The following BNC2 variants were observed in gnomAD, a reference collection of about 807,000 sequenced individuals.
The protein encoded by BNC2 is basonuclin zinc finger protein 2.
In BNC2, 20 loss-of-function variants were observed where a neutral mutation model predicts 76.3. The ratio of observed to expected loss-of-function variants is 0.26; its 90% CI spans 0.18 to 0.38. The LOEUF is 0.38. BNC2 is among the 10% of genes least tolerant of loss of function. BNC2 has a pLI of 1.00. For missense variants in BNC2, 1,382 were observed against 1,399.8 expected, an observed-to-expected ratio of 0.99 and a Z score of 0.20; for synonymous variants, 582 against 514.8, an observed-to-expected ratio of 1.13 and a Z score of -1.77.
At chr9:16,524,460 C>G (rs562722015) in intron 5 of BNC2, among the ~76,000 whole-genome samples, 3 of 152,088 alleles carry the variant, frequency 2.0e-5, no homozygotes, top group African/African-American at 7.2e-5. Flanking sequence ...AGGAAAGGGC[C>G]CAAATCTCCT....
chr9:16,559,919 T>TA lies in BNC2; in HGVS notation c.434-7155dup, dbSNP rs1352170828. 6.6e-5 allele frequency among the ~76,000 whole-genome samples: 10 copies of TA among 152,206 alleles called. No individual in the cohort carries two copies. In the East Asian group the frequency reaches 7.7e-4, roughly 12 times the overall value. ...ACAGATGTAGGCAATATAAATGCCA[T>TA]AAAAAAGATTTGACAAAGTACTGTG... is the stretch of plus-strand genomic sequence containing the variant. On this transcript the variant is annotated intron_variant, in intron 4 of 6. Transcript: ENST00000380672.
intron 3 of BNC2, among the ~76,000 whole-genome samples, chr9:16,607,348 T>C (rs1820415159): frequency 6.6e-6 from 1 of 151,592 alleles, no homozygotes; most frequent in African/African-American, 2.4e-5. Context: ...TTAGGGAATG[T>C]AGAAAAAAAG....
intron 6 of BNC2, among the ~76,000 whole-genome samples, chr9:16,421,726 T>A (rs1379001075): frequency 2.0e-5 from 3 of 152,238 alleles, no homozygotes; most frequent in African/African-American, 7.2e-5. Context: ...AGGAAATGCC[T>A]ACTGTGAGGT....
intron 3 of BNC2, among the ~76,000 whole-genome samples, chr9:16,619,291 A>C (rs943292757): frequency 3.3e-5 from 5 of 152,088 alleles, no homozygotes; most frequent in Admixed American, 6.5e-5. Context: ...TTCAAACCCA[A>C]CATAATGCTT....
intron 1 of BNC2, among the ~76,000 whole-genome samples, chr9:16,755,943 A>G (rs1825372436): frequency 6.6e-6 from 1 of 152,206 alleles, no homozygotes; most frequent in African/African-American, 2.4e-5. Flanking sequence ...CTCTCTAAGG[A>G]TTAAGTTCAG....
At chr9:16,765,540 G>C (rs1045716782) in intron 1 of BNC2, among the ~76,000 whole-genome samples, 2 of 152,114 alleles carry the variant, frequency 1.3e-5, no homozygotes, top group African/African-American at 4.8e-5. Context: ...TTTGACTTTA[G>C]AAAAGCTGAA....
chr9:16,540,631 A>T (rs989751910), intron 5 of BNC2, among the ~76,000 whole-genome samples: 1 of 152,220 alleles, frequency 6.6e-6, no homozygotes, highest in African/African-American at 2.4e-5. Context: ...GGCCTTGCTT[A>T]ATTAAAATGT....
In BNC2 at chr9:16,806,228, C is replaced by A. The variant is rs1817906583; in HGVS notation, c.3+64418G>T. On this transcript the variant is annotated intron_variant, in intron 1 of 6. Coordinates refer to ENST00000380672, the MANE Select transcript of BNC2 (RefSeq NM_017637.6). ...CAGTAGCTCATGCCTATAATCCCAG[C>A]GTTCTGGGAGGCAAAAGCAGGAGGA... 2.6e-5 allele frequency among the ~76,000 whole-genome samples: 4 copies of A among 152,102 alleles called. No homozygotes were observed. In the South Asian group the frequency reaches 6.2e-4, roughly 24 times the overall value.
At chr9:16,769,441 AG>A (rs1292165493) in intron 1 of BNC2, among the ~76,000 whole-genome samples, 6 of 152,194 alleles carry the variant, frequency 3.9e-5, no homozygotes, top group Non-Finnish European at 7.3e-5. Flanking sequence ...GTCAGTGAAA[AG>A]ACTAACAGTG....
intron 4 of BNC2, among the ~76,000 whole-genome samples, chr9:16,559,166 C>CATCATT (rs1818933546): frequency 6.6e-6 from 1 of 152,146 alleles, no homozygotes; most frequent in African/African-American, 2.4e-5. Context: ...TAAGTATCAA[C>CATCATT]TATATATCAG....
intron 3 of BNC2, among the ~76,000 whole-genome samples, chr9:16,669,526 T>C (rs1286814013): frequency 2.6e-5 from 4 of 152,204 alleles, no homozygotes; most frequent in Non-Finnish European, 5.9e-5. Context: ...CAACTTCCAA[T>C]TGGTTGAGGA....
chr9:16,438,444 T>C (rs1821063204), intron 5 of BNC2, among the ~76,000 whole-genome samples: 2 of 152,188 alleles, frequency 1.3e-5, no homozygotes, highest in Non-Finnish European at 2.9e-5. Flanking sequence ...TAAATATACA[T>C]TAAAAAGCAT....
At chr9:16,602,189 G>A (rs79691451) in intron 3 of BNC2, among the ~76,000 whole-genome samples, 2,437 of 152,202 alleles carry the variant, frequency 0.016, 41 homozygotes, top group South Asian at 0.084. Context: ...CTCCCAAAGT[G>A]ATTTCTGAAA....
At chr9:16,756,071 T>A (rs998574922) in intron 1 of BNC2, among the ~76,000 whole-genome samples, 1 of 152,194 alleles carries the variant, frequency 6.6e-6, no homozygotes, top group African/African-American at 2.4e-5. Context: ...TACAGAAGAC[T>A]ATCAAAAGGG....
chr9:16,755,415 T>C (rs990044387), intron 1 of BNC2, among the ~76,000 whole-genome samples: 1 of 152,212 alleles, frequency 6.6e-6, no homozygotes, highest in Non-Finnish European at 1.5e-5. Context: ...TGATGTAAAC[T>C]TTTAGCTACA....
rs1245074299 is a variant in BNC2, at chr9:16,414,226, A to C, written c.*4763T>G. 1 of 152,084 alleles carries C rather than the reference A, an allele frequency of 6.6e-6. No individual in the cohort carries two copies. The highest frequency in any genetic ancestry group is 6.5e-5 in the Admixed American group (1 of 15,278). The allele number at this position is 152,084 out of a possible 1,614,324, so 9.4% of individuals were successfully genotyped here. ...CCCTACGATCAATACGCTCTCACCC[A>C]CTGCGAGGCAGAGCTATGCCAGTCT... On this transcript the variant is annotated 3_prime_UTR_variant, in exon 7 of 7. Coordinates refer to ENST00000380672, the MANE Select transcript of BNC2 (RefSeq NM_017637.6).
At chr9:16,864,771 A>T (rs1222573592) in intron 1 of BNC2, among the ~76,000 whole-genome samples, 1 of 152,136 alleles carries the variant, frequency 6.6e-6, no homozygotes. Context: ...GTAACCGAGA[A>T]ATCTAATAAC....
chr9:16,561,670 C>T (rs968651657), intron 4 of BNC2, among the ~76,000 whole-genome samples: 5 of 152,124 alleles, frequency 3.3e-5, no homozygotes, highest in Non-Finnish European at 7.4e-5. Context: ...GGGTGTAAAA[C>T]TCTTCTGAGT....
At chr9:16,504,515 TTAAA>T (rs1365368298) in intron 5 of BNC2, among the ~76,000 whole-genome samples, 1 of 152,094 alleles carries the variant, frequency 6.6e-6, no homozygotes, top group African/African-American at 2.4e-5. Context: ...ATGTAAACTC[TTAAA>T]TAAAGTAGAC....
Sources: gnomAD v4.1 joint callset for allele counts (sites outside exome capture counted in the v4.1 genomes callset) on GRCh38, gnomAD v4.1.1 for gene constraint, MANE v1.5 for transcripts, NCBI Gene and HGNC (gene_info 2026-07-23, HGNC 2026-07-21) for gene names.